Variants in LAMB1 observed in about 807,000 individuals in gnomAD.
LAMB1 encodes laminin subunit beta-1.
In LAMB1, 121 loss-of-function variants were observed where a neutral mutation model predicts 222.3. The observed-to-expected ratio is 0.54, with a 90% CI of 0.47 to 0.63. The LOEUF (loss-of-function observed/expected upper bound fraction) is 0.63, where lower values mean the gene tolerates loss of function less well. LAMB1 is among the 30% of genes least tolerant of loss of function. LAMB1 has a pLI of 0.00. For missense variants in LAMB1, 2,172 were observed against 2,240.8 expected (o/e 0.97, Z 0.62); for synonymous variants, 794 against 807.2 (o/e 0.98, Z 0.28).
chr7:107,927,516 G>A (rs2032593674), intron 31 of LAMB1, among the ~76,000 whole-genome samples: 1 of 152,066 alleles, frequency 6.6e-6, no homozygotes, highest in African/African-American at 2.4e-5. Context: ...TTACAGGCAT[G>A]ATCATAGTGC....
intron 5 of LAMB1, among the ~76,000 whole-genome samples, chr7:107,988,338 G>A (rs1333858289): frequency 6.6e-6 from 1 of 152,118 alleles, no homozygotes; most frequent in African/African-American, 2.4e-5. Context: ...TCAGACACTT[G>A]GAAAAAGTGG....
intron 7 of LAMB1, among the ~76,000 whole-genome samples, 184 bp from the exon 8 acceptor site, chr7:107,980,995 G>A (rs1247603515): frequency 1.3e-5 from 2 of 152,062 alleles, no homozygotes; most frequent in Admixed American, 6.5e-5. Flanking sequence ...AAAGAGGAAA[G>A]GTTACTGCCC....
rs754937970 is a variant in LAMB1, at chr7:107,926,164, A to G, written c.5064+19T>C. 1 of 1,604,856 alleles carries G rather than the reference A, an allele frequency of 6.2e-7. No individual in the cohort carries two copies. The highest frequency in any genetic ancestry group is 2.2e-5 in the East Asian group (1 of 44,798). On this transcript the variant is annotated intron_variant, in intron 32 of 33. Coordinates refer to ENST00000222399, the MANE Select transcript of LAMB1 (RefSeq NM_002291.3). ...GCTCCTTTAACAACATAGCTCTGAA[A>G]TTACAAAGATTTACGTACCTTCTTA...
chr7:108,001,594 GTGCA>G lies in LAMB1; in HGVS notation c.173_176del (p.Leu58ProfsTer31). Reference sequence around the variant, plus strand: ...TGACGATACAGTAGGGTTCGGGCTTGTGCAGCCCGCACGTCGAGGTCACCGAAAG... The same window carrying G: ...TGACGATACAGTAGGGTTCGGGCTTGGCCCGCACGTCGAGGTCACCGAAAG... On this transcript the variant is annotated frameshift_variant, in exon 3 of 34. Coordinates refer to ENST00000222399, the MANE Select transcript of LAMB1 (RefSeq NM_002291.3). LOFTEE classifies it high-confidence loss of function. The G allele has an allele frequency of 6.2e-7, 1 of 1,612,718 alleles. No homozygotes were observed. The highest frequency in any genetic ancestry group is 8.5e-7 in the Non-Finnish European group (1 of 1,179,638).
At position 107,998,429 on chromosome 7, in the gene LAMB1, T is replaced by C; in HGVS notation, c.277A>G (p.Ser93Gly). Reference protein sequence around the residue: ...DPYHETLNPDSHLIENVVTTF... With the variant: ...DPYHETLNPDGHLIENVVTTF... ...GTGACCACATTTTCAATGAGATGGC[T>C]GTCAGGATTCAGGGTCTCATGATAA... Residue 93 changes from serine to glycine, a missense_variant, in exon 4 of 34, where the codon AGC (serine) becomes GGC (glycine). Transcript: ENST00000222399. 1 of 1,613,958 alleles carries C rather than the reference T, an allele frequency of 6.2e-7. No individual in the cohort carries two copies. Among genetic ancestry groups the C allele is most frequent in the Non-Finnish European group, 8.5e-7 (1 of 1,179,806 alleles).
rs1016700432 is a variant in LAMB1, at chr7:107,978,067, C to T, written c.980G>A (p.Arg327Gln). ...CTTACTTTTACAGGCGTTGCTGTTTCGGCCTTCAGCAGGTCTCCAAGGTAA... is the reference window on the plus strand; with the variant it reads ...CTTACTTTTACAGGCGTTGCTGTTTTGGCCTTCAGCAGGTCTCCAAGGTAA... ...HDLPWRPAEG[R>Q]NSNACKKCNC... is the part of the protein sequence containing the mutation. The change falls in exon 9 of 34, where the codon CGA (arginine) becomes CAA (glutamine). Residue 327 changes from arginine (R) to glutamine (Q), a missense_variant. Coordinates refer to ENST00000222399, the MANE Select transcript of LAMB1 (RefSeq NM_002291.3). 1.1e-5 allele frequency: 18 copies of T among 1,614,134 alleles called. No homozygotes were observed. The highest frequency in any genetic ancestry group is 1.4e-5 in the Non-Finnish European group (16 of 1,180,024).
At chr7:107,999,763 CTTTTTTTT>C (rs11306976) in intron 3 of LAMB1, 1 of 121,424 alleles carries the variant, frequency 8.2e-6, no homozygotes, top group Admixed American at 8.4e-5. Context: ...GCTCCAGTTG[CTTTTTTTT>C]TTTTTTTTTT....
intron 13 of LAMB1, among the ~76,000 whole-genome samples, chr7:107,970,513 G>GT (rs1554409109): frequency 7.1e-6 from 1 of 140,844 alleles, no homozygotes; most frequent in East Asian, 2.2e-4. Context: ...AAAGGGGGGG[G>GT]TGGGCTTCAA....
intron 24 of LAMB1, among the ~76,000 whole-genome samples, chr7:107,947,941 C>T (rs2033153204): frequency 1.3e-5 from 2 of 151,862 alleles, no homozygotes; most frequent in Admixed American, 1.3e-4. Flanking sequence ...TCTACTTTAA[C>T]ACCCCAAATA....
chr7:107,985,199 G>A (rs922056308), intron 7 of LAMB1, among the ~76,000 whole-genome samples: 1 of 152,196 alleles, frequency 6.6e-6, no homozygotes, highest in Non-Finnish European at 1.5e-5. Context: ...TCAGTGGAGA[G>A]TAATTATTGC....
At chr7:107,962,157 T>C (rs1166419991) in intron 15 of LAMB1, among the ~76,000 whole-genome samples, 1 of 152,222 alleles carries the variant, frequency 6.6e-6, no homozygotes, top group Non-Finnish European at 1.5e-5. Flanking sequence ...CTTTAAGGCC[T>C]AGCTCTGATT....
At chr7:107,974,157 T>C (rs2033806266) in intron 12 of LAMB1, among the ~76,000 whole-genome samples, 1 of 152,120 alleles carries the variant, frequency 6.6e-6, no homozygotes, top group Non-Finnish European at 1.5e-5. Context: ...TTAATGGTAA[T>C]AATTTGGGGG....
chr7:107,974,474 T>C (rs1324158688), intron 12 of LAMB1, among the ~76,000 whole-genome samples: 2 of 152,040 alleles, frequency 1.3e-5, no homozygotes, highest in Non-Finnish European at 2.9e-5. Flanking sequence ...TTTTCCACTG[T>C]TGTTTCCAAG....
At chr7:107,955,861 T>C (rs1489605169) in intron 20 of LAMB1, among the ~76,000 whole-genome samples, 1 of 151,870 alleles carries the variant, frequency 6.6e-6, no homozygotes, top group Non-Finnish European at 1.5e-5. Context: ...GCCTCCCAAG[T>C]AGCTGGGACT....
intron 5 of LAMB1, among the ~76,000 whole-genome samples, chr7:107,994,340 T>G (rs1279894419): frequency 6.6e-6 from 1 of 152,176 alleles, no homozygotes; most frequent in Non-Finnish European, 1.5e-5. Context: ...ACTGTAAAAC[T>G]GTTCCTTAAG....
At chr7:107,977,743 C>G (rs2033896432) in intron 9 of LAMB1, among the ~76,000 whole-genome samples, 2 of 152,128 alleles carry the variant, frequency 1.3e-5, no homozygotes, top group African/African-American at 4.8e-5. Context: ...TGCCACTGCA[C>G]TACAGCCTAG....
In LAMB1 at chr7:107,976,956, CTTCCT is replaced by C. The variant is rs1427480900; in HGVS notation, c.1001-1084_1001-1080del. The stretch of plus-strand genomic sequence containing the variant: ...TTCCTTCCTTTCCTCTCCCTCCTTC[CTTCCT>C]TTCCTCTCCCTCCTTCCTTCCTTTC... On this transcript the variant is annotated intron_variant, in intron 9 of 33. Coordinates refer to ENST00000222399, the MANE Select transcript of LAMB1 (RefSeq NM_002291.3). Among the ~76,000 whole-genome samples the C allele has an allele frequency of 5.2e-4, 70 of 133,798 alleles. 3 individuals carry two copies. The highest frequency in any genetic ancestry group is 2.0e-3 in the African/African-American group (63 of 31,584). 87.8% of individuals were successfully genotyped at this position (133,798 alleles called of 152,430 possible).
chr7:107,975,786 G>A lies in LAMB1; in HGVS notation c.1092C>T (p.Asp364=). ...TGCGCCCCATGGTGTTGTGCTGACA[G>A]TCATCACACACGCCTCCGCTGACGT... is the stretch of plus-strand genomic sequence containing the variant. The part of the protein sequence containing the change: ...TGNVSGGVCD[D]CQHNTMGRNC... The change falls in exon 10 of 34, where the codon GAC becomes GAT. Residue 364 remains aspartate, a synonymous_variant. Transcript: ENST00000222399. 1.9e-6 allele frequency: 3 copies of A among 1,614,040 alleles called. No homozygotes were observed. The highest frequency in any genetic ancestry group is 2.5e-6 in the Non-Finnish European group (3 of 1,179,980).
At chr7:107,985,865 G>A (rs932653873) in intron 7 of LAMB1, among the ~76,000 whole-genome samples, 157 bp downstream of exon 7, 1 of 151,974 alleles carries the variant, frequency 6.6e-6, no homozygotes, top group African/African-American at 2.4e-5. Context: ...GCTGAGGCAG[G>A]AGAATCACTT....
Sources: gnomAD v4.1 joint callset for allele counts (sites outside exome capture counted in the v4.1 genomes callset) on GRCh38, gnomAD v4.1.1 for gene constraint, MANE v1.5 for transcripts, NCBI Gene and HGNC (gene_info 2026-07-23, HGNC 2026-07-21) for gene names.